Variants in PPM1B observed in about 807,000 individuals in gnomAD.
PPM1B encodes protein phosphatase, Mg2+/Mn2+ dependent 1B.
A neutral mutation model predicts 43.0 loss-of-function variants in PPM1B; 22 were observed. That is an observed-to-expected ratio of 0.51 (90% CI 0.37 to 0.73). The LOEUF (loss-of-function observed/expected upper bound fraction) is 0.73. Ranked by LOEUF, PPM1B falls within the 30% of genes least tolerant of loss-of-function variation. The probability of loss-of-function intolerance (pLI) is 0.00; values close to 1 mark genes in which losing one functional copy is unlikely to be tolerated. For synonymous variants in PPM1B, 217 were observed against 197.9 expected, an observed-to-expected ratio of 1.10 and a Z score of -0.81; for missense variants, 632 against 584.2, an observed-to-expected ratio of 1.08 and a Z score of -0.84.
intron 1 of PPM1B, among the ~76,000 whole-genome samples, chr2:44,191,366 AC>A (rs1430131684): frequency 2.0e-5 from 3 of 152,036 alleles, no homozygotes; most frequent in African/African-American, 7.3e-5. Flanking sequence ...GGTGCCCGCC[AC>A]TATGCCTGGT....
At chr2:44,209,186 TTC>T (rs753500259) in intron 2 of PPM1B, 22 bp from the exon 3 acceptor site, 165 of 1,527,280 alleles carry the variant, frequency 1.1e-4, no homozygotes, top group Non-Finnish European at 1.3e-4. Context: ...ACAATTTTTT[TTC>T]TTTTTTTTCT....
At chr2:44,234,286 C>T (rs1670548937), downstream of PPM1B, 2 of 887,428 alleles carry the variant, frequency 2.3e-6, no homozygotes, top group Non-Finnish European at 2.7e-6. Context: ...TTTGGGAGGC[C>T]AAGGCGGGTG....
At chr2:44,215,069 A>G (rs1194059654) in intron 3 of PPM1B, among the ~76,000 whole-genome samples, 1 of 152,110 alleles carries the variant, frequency 6.6e-6, no homozygotes, top group Non-Finnish European at 1.5e-5. Flanking sequence ...TATATATTAT[A>G]TAGGAGAGAT....
intron 1 of PPM1B, among the ~76,000 whole-genome samples, chr2:44,196,882 G>A (rs1444848622): frequency 6.6e-6 from 1 of 152,042 alleles, no homozygotes; most frequent in Non-Finnish European, 1.5e-5. Context: ...GTATTTTTAG[G>A]ATACATTTCT....
chr2:44,199,902 T>C (rs2104119645), intron 1 of PPM1B, among the ~76,000 whole-genome samples: 1 of 152,296 alleles, frequency 6.6e-6, no homozygotes, highest in East Asian at 1.9e-4. Context: ...TAAATGGCGA[T>C]ATGTAATTTT....
intron 5 of PPM1B, among the ~76,000 whole-genome samples, chr2:44,241,922 G>A (rs1038119373): frequency 2.5e-5 from 3 of 118,812 alleles, no homozygotes; most frequent in Admixed American, 2.4e-4. Flanking sequence ...GCAGTGGCGC[G>A]ATCTCAGCTC....
intron 1 of PPM1B, among the ~76,000 whole-genome samples, chr2:44,187,835 C>T (rs112497184): frequency 0.027 from 4,172 of 152,090 alleles, 73 homozygotes; most frequent in Non-Finnish European, 0.037. Context: ...CTGCAAGCTC[C>T]GCCTCCCGGG....
At chr2:44,191,509 C>G (rs1668403506) in intron 1 of PPM1B, among the ~76,000 whole-genome samples, 1 of 152,170 alleles carries the variant, frequency 6.6e-6, no homozygotes, top group African/African-American at 2.4e-5. Context: ...CCACCGCTCC[C>G]AGCTTCTGCT....
intron 1 of PPM1B, among the ~76,000 whole-genome samples, chr2:44,186,275 AT>A (rs1668113130): frequency 6.6e-6 from 1 of 152,256 alleles, no homozygotes; most frequent in Non-Finnish European, 1.5e-5. Context: ...ACTTGGCTAT[AT>A]CATAGAAATA....
At chr2:44,198,610 TC>T (rs1183312792) in intron 1 of PPM1B, among the ~76,000 whole-genome samples, 2 of 152,232 alleles carry the variant, frequency 1.3e-5, no homozygotes, top group East Asian at 1.9e-4. Context: ...ATTTGCTTGT[TC>T]CTTGGTCCCT....
At chr2:44,214,173 G>A (rs1438687706) in intron 3 of PPM1B, among the ~76,000 whole-genome samples, 1 of 152,124 alleles carries the variant, frequency 6.6e-6, no homozygotes, top group Non-Finnish European at 1.5e-5. Context: ...TTAGCTGCCC[G>A]GGTTCACACC....
intron 1 of PPM1B, among the ~76,000 whole-genome samples, chr2:44,200,086 G>A (rs1668862824): frequency 1.3e-5 from 2 of 152,256 alleles, no homozygotes; most frequent in South Asian, 4.1e-4. Context: ...TGGGAATAGG[G>A]CTATGGAGTC....
intron 5 of PPM1B, among the ~76,000 whole-genome samples, chr2:44,221,269 AATGGGGAAAT>A (rs1463829050): frequency 6.6e-6 from 1 of 152,206 alleles, no homozygotes; most frequent in Non-Finnish European, 1.5e-5. Context: ...TAGAATTTTA[AATGGGGAAAT>A]ATTATATGCC....
chr2:44,244,478 G>A (rs1670814953), downstream of PPM1B: 2 of 917,854 alleles, frequency 2.2e-6, no homozygotes, highest in East Asian at 1.8e-4. Flanking sequence ...ATTTTTTCCT[G>A]TCCATGTGAT....
In PPM1B at chr2:44,231,053, A is replaced by C; in HGVS notation, c.*335A>C. On this transcript the variant is annotated 3_prime_UTR_variant, in exon 6 of 6. Transcript: ENST00000282412. ...GAGAGATTATGCTATATTATGGAAAAACTTGTTAATGTAGAATTATACTGC... is the reference window on the plus strand; with the variant it reads ...GAGAGATTATGCTATATTATGGAAACACTTGTTAATGTAGAATTATACTGC... 1.1e-6 allele frequency: 1 copy of C among 918,830 alleles called. No individual in the cohort carries two copies. The highest frequency in any genetic ancestry group is 1.3e-6 in the Non-Finnish European group (1 of 763,784). 56.9% of individuals were successfully genotyped at this position (918,830 alleles called of 1,614,324 possible).
intron 3 of PPM1B, among the ~76,000 whole-genome samples, chr2:44,212,838 G>A (rs1002137173): frequency 3.3e-5 from 5 of 151,906 alleles, no homozygotes; most frequent in Non-Finnish European, 7.4e-5. Flanking sequence ...GTGAAAACCT[G>A]TAACTACTAA....
intron 5 of PPM1B, among the ~76,000 whole-genome samples, chr2:44,229,837 C>T (rs1356477521): frequency 1.3e-5 from 2 of 152,104 alleles, no homozygotes; most frequent in African/African-American, 4.8e-5. Context: ...GTTTATTATT[C>T]ATACTGAGAA....
At chr2:44,232,056 C>T (rs1240652438), downstream of PPM1B, among the ~76,000 whole-genome samples, 4 of 152,088 alleles carry the variant, frequency 2.6e-5, no homozygotes, top group Admixed American at 6.6e-5. Context: ...TTTTCCAATG[C>T]CAGAATATTT....
At chr2:44,184,608 C>G (rs1404626252) in intron 1 of PPM1B, among the ~76,000 whole-genome samples, 1 of 152,116 alleles carries the variant, frequency 6.6e-6, no homozygotes. Flanking sequence ...AGTATCTCCA[C>G]TGGACATATA....
Sources: gnomAD v4.1 joint callset for allele counts (sites outside exome capture counted in the v4.1 genomes callset) on GRCh38, gnomAD v4.1.1 for gene constraint, MANE v1.5 for transcripts, NCBI Gene and HGNC (gene_info 2026-07-23, HGNC 2026-07-21) for gene names.